The following SYT2 variants were observed in gnomAD, a reference collection of about 807,000 sequenced individuals.
SYT2 encodes synaptotagmin-2.
A neutral mutation model predicts 39.9 loss-of-function variants in SYT2; 15 were observed. The observed-to-expected ratio is 0.38, with a 90% CI of 0.25 to 0.58. The LOEUF is 0.58. Ranked by LOEUF, SYT2 falls within the 20% of genes least tolerant of loss-of-function variation. SYT2 has a pLI of 0.70. For missense variants in SYT2, 389 were observed against 530.3 expected, an observed-to-expected ratio of 0.73 and a Z score of 2.62; for synonymous variants, 181 against 204.5, an observed-to-expected ratio of 0.89 and a Z score of 0.98.
chr1:202,600,244 CT>C, intron 7 of SYT2, 112 bp downstream of exon 7: 1 of 865,732 alleles, frequency 1.2e-6, no homozygotes, highest in Admixed American at 2.0e-5. Flanking sequence ...GAGGAGACAT[CT>C]CAGTCCCAGG....
chr1:202,616,711 C>T (rs1025423797), intron 1 of SYT2, among the ~76,000 whole-genome samples: 31 of 152,218 alleles, frequency 2.0e-4, no homozygotes, highest in African/African-American at 7.2e-4. Context: ...GGTCAGCTGG[C>T]CGCTGCCTGC....
intron 1 of SYT2, among the ~76,000 whole-genome samples, chr1:202,656,136 A>G (rs940969016): frequency 2.0e-5 from 3 of 152,220 alleles, no homozygotes; most frequent in African/African-American, 4.8e-5. Context: ...GCACACACAC[A>G]CACACACACG....
At chr1:202,697,894 T>A (rs549801776) in intron 1 of SYT2, among the ~76,000 whole-genome samples, 42 of 152,300 alleles carry the variant, frequency 2.8e-4, no homozygotes, top group Non-Finnish European at 5.1e-4. Flanking sequence ...GGAAGACTGC[T>A]CCAGTCTGCC....
intron 1 of SYT2, among the ~76,000 whole-genome samples, chr1:202,640,028 A>G (rs1277166032): frequency 6.6e-6 from 1 of 152,220 alleles, no homozygotes; most frequent in Non-Finnish European, 1.5e-5. Flanking sequence ...ATTGAGGCTC[A>G]GAGAGGTTGG....
At chr1:202,638,935 C>A (rs1321220541) in intron 1 of SYT2, among the ~76,000 whole-genome samples, 1 of 152,240 alleles carries the variant, frequency 6.6e-6, no homozygotes, top group East Asian at 1.9e-4. Flanking sequence ...CAGCTCTGAG[C>A]AGGGGCCAAC....
At chr1:202,700,226 G>C (rs1654078243) in intron 1 of SYT2, among the ~76,000 whole-genome samples, 1 of 152,184 alleles carries the variant, frequency 6.6e-6, no homozygotes, top group Non-Finnish European at 1.5e-5. Context: ...ACCCCGTGCA[G>C]CTCTGGACTT....
chr1:202,602,567 AGG>A, intron 4 of SYT2, 22 bp from the exon 5 acceptor site: 1 of 1,603,044 alleles, frequency 6.2e-7, no homozygotes, highest in East Asian at 2.2e-5. Flanking sequence ...GATGGGGAGA[AGG>A]GGCCTGAGTC....
intron 1 of SYT2, among the ~76,000 whole-genome samples, chr1:202,678,236 T>C (rs1215325075): frequency 8.2e-6 from 1 of 122,348 alleles, no homozygotes; most frequent in Non-Finnish European, 1.6e-5. Flanking sequence ...ATCGTGCCAC[T>C]GCACTCCAGC....
At chr1:202,706,494 A>G (rs915214754) in intron 1 of SYT2, among the ~76,000 whole-genome samples, 1 of 152,158 alleles carries the variant, frequency 6.6e-6, no homozygotes, top group African/African-American at 2.4e-5. Context: ...CACCAAGAAC[A>G]ATCTACGTCA....
intron 1 of SYT2, among the ~76,000 whole-genome samples, chr1:202,666,885 G>C (rs1373570483): frequency 6.6e-6 from 1 of 152,178 alleles, no homozygotes; most frequent in Non-Finnish European, 1.5e-5. Context: ...AGGAGGCTGA[G>C]GCAGGAGAAT....
chr1:202,613,403 T>TTGTGTG (rs765683665), intron 1 of SYT2, among the ~76,000 whole-genome samples: 1 of 151,920 alleles, frequency 6.6e-6, no homozygotes, highest in South Asian at 2.1e-4. Flanking sequence ...TTCTAATAAT[T>TTGTGTG]TGTGTGTGTG....
At chr1:202,619,486 G>A (rs554187363) in intron 1 of SYT2, among the ~76,000 whole-genome samples, 53 of 152,298 alleles carry the variant, frequency 3.5e-4, no homozygotes, top group Admixed American at 5.2e-4. Context: ...AGGGACTGAG[G>A]AAGGGTCTCT....
chr1:202,622,150 AG>A (rs1250261383), intron 1 of SYT2, among the ~76,000 whole-genome samples: 1 of 152,248 alleles, frequency 6.6e-6, no homozygotes, highest in African/African-American at 2.4e-5. Context: ...TTAACCAGCA[AG>A]ACACCTGTCA....
intron 1 of SYT2, among the ~76,000 whole-genome samples, chr1:202,612,096 C>G (rs554858193): frequency 6.6e-6 from 1 of 152,288 alleles, no homozygotes; most frequent in South Asian, 2.1e-4. Context: ...AAGGGGTTCA[C>G]ATTCATTCGT....
At chr1:202,677,581 T>G (rs573099975) in intron 1 of SYT2, among the ~76,000 whole-genome samples, 1 of 152,146 alleles carries the variant, frequency 6.6e-6, no homozygotes, top group Non-Finnish European at 1.5e-5. Context: ...ATGTTGAAAG[T>G]AGATCCTCCA....
chr1:202,627,122 G>A (rs1368866595), intron 1 of SYT2, among the ~76,000 whole-genome samples: 1 of 152,234 alleles, frequency 6.6e-6, no homozygotes, highest in African/African-American at 2.4e-5. Context: ...TTGCTGCAGA[G>A]GTTGTGCGGC....
At chr1:202,609,935 G>T (rs1242583035) in intron 1 of SYT2, among the ~76,000 whole-genome samples, 4 of 152,140 alleles carry the variant, frequency 2.6e-5, no homozygotes, top group Non-Finnish European at 4.4e-5. Flanking sequence ...CATTGCTTTT[G>T]GTGTTTTAGA....
Position 202,592,406 on chromosome 1 carries a change from G to C in SYT2, c.*4351C>G, listed in dbSNP as rs925246218. ...TCCCGATGGGAGGAGGCAGGGGTGG[G>C]GCTGGGGAACAAAGACTTTACACGA... On this transcript the variant is annotated 3_prime_UTR_variant, in exon 9 of 9. Transcript: ENST00000367268. 3.9e-5 allele frequency: 6 copies of C among 152,726 alleles called. No individual in the cohort carries two copies. The highest frequency in any genetic ancestry group is 1.4e-4 in the African/African-American group (6 of 41,572). The allele number at this position is 152,726 out of a possible 1,614,324, so 9.5% of individuals were successfully genotyped here.
At chr1:202,662,546 A>T (rs989501801) in intron 1 of SYT2, among the ~76,000 whole-genome samples, 3 of 152,222 alleles carry the variant, frequency 2.0e-5, no homozygotes, top group African/African-American at 4.8e-5. Flanking sequence ...GCTCAGGTAC[A>T]TCATTAACCA....
Sources: gnomAD v4.1 joint callset for allele counts (sites outside exome capture counted in the v4.1 genomes callset) on GRCh38, gnomAD v4.1.1 for gene constraint, MANE v1.5 for transcripts, NCBI Gene and HGNC (gene_info 2026-07-23, HGNC 2026-07-21) for gene names.